The following SMC5 variants were observed in gnomAD, a reference collection of about 807,000 sequenced individuals.
SMC5 encodes the protein structural maintenance of chromosomes protein 5.
Under a neutral mutation model 148.3 loss-of-function variants are expected in SMC5, and 88 were observed. That is an observed-to-expected ratio of 0.59 (90% CI 0.50 to 0.71). The LOEUF is 0.71. Ranked by LOEUF, SMC5 falls within the 30% of genes least tolerant of loss-of-function variation. The pLI is 0.00. For synonymous variants in SMC5, 421 were observed against 432.8 expected (o/e 0.97, Z 0.34); for missense variants, 1,142 against 1,298.9 (o/e 0.88, Z 1.86).
At chr9:70,298,830 TAAG>T (rs902996928) in intron 9 of SMC5, among the ~76,000 whole-genome samples, 10 of 151,948 alleles carry the variant, frequency 6.6e-5, no homozygotes, top group South Asian at 2.1e-4. Flanking sequence ...TTTAACTCTT[TAAG>T]AAGATTTTTT....
chr9:70,339,726 G>C (rs957146697), intron 17 of SMC5, among the ~76,000 whole-genome samples: 1 of 152,134 alleles, frequency 6.6e-6, no homozygotes, highest in African/African-American at 2.4e-5. Context: ...AAAGAAGATT[G>C]ACACAAAATT....
chr9:70,260,753 G>A (rs1410855395), intron 1 of SMC5, among the ~76,000 whole-genome samples: 3 of 152,144 alleles, frequency 2.0e-5, no homozygotes, highest in African/African-American at 4.8e-5. Flanking sequence ...TTGTAAAGAA[G>A]ATATGAAAGT....
chr9:70,315,459 T>G lies in SMC5; in HGVS notation c.1687T>G (p.Phe563Val). The G allele has an allele frequency of 2.5e-6, 4 of 1,589,826 alleles. No individual in the cohort carries two copies. Among genetic ancestry groups the G allele is most frequent in the Non-Finnish European group, 3.4e-6 (4 of 1,166,978 alleles). ...SLNELKQYGF[F>V]SYLRELFDAP... is the part of the protein sequence containing the mutation. The stretch of plus-strand genomic sequence containing the variant: ...TTTTCCTTTCAGACAATACGGATTT[T>G]TCTCTTATTTGAGAGAATTATTTGA... Residue 563 changes from phenylalanine (F) to valine (V), a missense_variant, in exon 13 of 25, where the codon TTC becomes GTC. By Grantham distance (50) the Phe-to-Val change is conservative (BLOSUM62 -1). This residue lies in a region of SMC5 where 743 missense variants were observed against 835.7 expected (regional missense o/e 0.89). Transcript: ENST00000361138.
At chr9:70,316,806 A>G (rs756179327) in intron 13 of SMC5, among the ~76,000 whole-genome samples, 4 of 152,076 alleles carry the variant, frequency 2.6e-5, no homozygotes, top group Non-Finnish European at 5.9e-5. Context: ...TGTTTAAGTC[A>G]CCTAGGGAGC....
intron 8 of SMC5, among the ~76,000 whole-genome samples, chr9:70,289,875 A>ATAT (rs61565465): frequency 0.13 from 20,069 of 149,500 alleles, 1,596 homozygotes; most frequent in African/African-American, 0.22. Flanking sequence ...GTTATTTAAA[A>ATAT]TATTATTATT....
Position 70,346,387 on chromosome 9 carries a change from A to C in SMC5, c.2524-218A>C, listed in dbSNP as rs2036667178. The C allele has an allele frequency of 5.1e-6, 3 of 585,076 alleles. No homozygotes were observed. In the East Asian group the frequency reaches 8.4e-5, roughly 16 times the overall value. 36.2% of individuals were successfully genotyped at this position (585,076 alleles called of 1,614,324 possible). A position where few individuals can be genotyped will look rare whatever the true frequency, so the allele number is the denominator to read the frequency against. ...TAGCCTTTGCAGGTTGTGCTAGGCC[A>C]AACAATGTACTGATTGCCTCCCCTC... is the stretch of plus-strand genomic sequence containing the variant. On this transcript the variant is annotated intron_variant, in intron 18 of 24. Transcript: ENST00000361138.
chr9:70,325,575 CTG>C (rs1236681318), intron 17 of SMC5, among the ~76,000 whole-genome samples: 13 of 152,160 alleles, frequency 8.5e-5, no homozygotes, highest in Non-Finnish European at 8.8e-5. Flanking sequence ...CTCAAACTAA[CTG>C]ATACTCCTTT....
intron 7 of SMC5, among the ~76,000 whole-genome samples, chr9:70,284,733 T>C (rs776974844): frequency 4.6e-5 from 7 of 152,192 alleles, no homozygotes; most frequent in Non-Finnish European, 1.0e-4. Context: ...CCTAAAGAAA[T>C]AATTCTGAAG....
intron 8 of SMC5, 90 bp downstream of exon 8, chr9:70,286,361 G>A: frequency 2.6e-6 from 2 of 769,600 alleles, no homozygotes; most frequent in Admixed American, 4.6e-5. Context: ...TCTTGTTGGG[G>A]AATGGCCAAG....
Position 70,344,175 on chromosome 9 carries a change from A to C in SMC5, c.2429A>C (p.Gln810Pro). 1 of 1,552,828 alleles carries C rather than the reference A, an allele frequency of 6.4e-7. No homozygotes were observed. The highest frequency in any genetic ancestry group is 1.3e-5 in the South Asian group (1 of 79,930). ...TTCATTGAATTGGATGAAAATAGAC[A>C]GAGATTATTGCAGAAATGCAAGGAA... ...QHFIELDENRQRLLQKCKELM... is the reference protein window; with the variant it reads ...QHFIELDENRPRLLQKCKELM... Residue 810 changes from glutamine to proline, a missense_variant, in exon 18 of 25, where the codon CAG becomes CCG. By Grantham distance (76) the Gln-to-Pro change is moderately conservative. This residue lies in a region of SMC5 where 743 missense variants were observed against 835.7 expected (regional missense o/e 0.89). Transcript: ENST00000361138.
chr9:70,264,581 G>C (rs934393363), intron 2 of SMC5, 136 bp downstream of exon 2: 2 of 770,812 alleles, frequency 2.6e-6, no homozygotes, highest in African/African-American at 3.6e-5. Context: ...TTGGCAGGTA[G>C]AGAAGCTAGA....
chr9:70,289,514 A>AT (rs1405022842), intron 8 of SMC5, among the ~76,000 whole-genome samples: 24 of 151,854 alleles, frequency 1.6e-4, no homozygotes, highest in African/African-American at 5.1e-4. Context: ...TTGTTTTGAA[A>AT]TTTTTTTCAA....
chr9:70,261,134 T>C (rs1280700467), intron 1 of SMC5, among the ~76,000 whole-genome samples: 3 of 152,192 alleles, frequency 2.0e-5, no homozygotes, highest in African/African-American at 7.2e-5. Flanking sequence ...TCAAGTATTT[T>C]AGTAAGGCAA....
Position 70,270,035 on chromosome 9 carries a change from A to G in SMC5, c.380+2060A>G, listed in dbSNP as rs2034400143. Among the ~76,000 whole-genome samples, 7 of 152,198 alleles carry G rather than the reference A, an allele frequency of 4.6e-5. No individual in the cohort carries two copies. In the South Asian group the frequency reaches 1.2e-3, roughly 27 times the overall value. On this transcript the variant is annotated intron_variant, in intron 3 of 24. Coordinates refer to ENST00000361138, the MANE Select transcript of SMC5 (RefSeq NM_015110.4). ...TCCCCACACCCTGCAATTCAGTTCA[A>G]TTCTGACACTAACCAAAAATTAGTG...
At chr9:70,333,352 C>T (rs1377085218) in intron 17 of SMC5, among the ~76,000 whole-genome samples, 1 of 152,124 alleles carries the variant, frequency 6.6e-6, no homozygotes, top group Non-Finnish European at 1.5e-5. Flanking sequence ...TACCTATAAT[C>T]CTAGCACTTT....
intron 3 of SMC5, among the ~76,000 whole-genome samples, chr9:70,274,550 A>G (rs1056735299): frequency 2.6e-5 from 4 of 151,694 alleles, no homozygotes; most frequent in Admixed American, 1.3e-4. Flanking sequence ...ATCTCATTTA[A>G]ACTAGTATAG....
chr9:70,346,337 G>T, intron 18 of SMC5: 1 of 437,960 alleles, frequency 2.3e-6, no homozygotes, highest in Non-Finnish European at 4.0e-6. Context: ...AGGGTTTCAG[G>T]ATTCATTTTG....
intron 11 of SMC5, among the ~76,000 whole-genome samples, chr9:70,307,105 A>C (rs2035522506): frequency 6.6e-6 from 1 of 152,232 alleles, no homozygotes. Flanking sequence ...TTAAAAACAA[A>C]TAATAGGCCA....
intron 21 of SMC5, 95 bp from the exon 22 acceptor site, chr9:70,347,824 C>A: frequency 2.3e-6 from 3 of 1,299,816 alleles, no homozygotes; most frequent in South Asian, 1.5e-5. Context: ...GTGTTATGCC[C>A]AGACTGATAC....
Sources: allele counts gnomAD v4.1 joint callset (sites outside exome capture counted in the v4.1 genomes callset), GRCh38; gene constraint gnomAD v4.1.1; regional missense constraint gnomAD v4.1.1; transcripts MANE v1.5; gene names NCBI Gene and HGNC (gene_info 2026-07-23, HGNC 2026-07-21).